Variants in DPYD observed in about 807,000 individuals in gnomAD.
DPYD encodes the protein dihydropyrimidine dehydrogenase [NADP(+)].
A neutral mutation model predicts 116.2 loss-of-function variants in DPYD; 109 were observed. That is an observed-to-expected ratio of 0.94 (90% CI 0.80 to 1.10). The LOEUF is 1.10. Among genes scored for constraint, DPYD ranks in the 50% least tolerant of loss-of-function variants. DPYD has a pLI of 0.00. For missense variants in DPYD, 1,302 were observed against 1,254.5 expected (o/e 1.04, Z -0.57); for synonymous variants, 440 against 432.0 (o/e 1.02, Z -0.23).
At chr1:97,353,785 T>G (rs1670273162) in intron 16 of DPYD, among the ~76,000 whole-genome samples, 1 of 152,316 alleles carries the variant, frequency 6.6e-6, no homozygotes, top group African/African-American at 2.4e-5. Flanking sequence ...ATAGAGGAAC[T>G]TTCATAACTT....
intron 20 of DPYD, among the ~76,000 whole-genome samples, chr1:97,179,309 C>G (rs1383453917): frequency 6.6e-6 from 1 of 152,022 alleles, no homozygotes; most frequent in Non-Finnish European, 1.5e-5. Context: ...CACTTGGGAC[C>G]TACATTAAGT....
intron 3 of DPYD, among the ~76,000 whole-genome samples, chr1:97,816,652 T>C (rs1668624644): frequency 6.6e-6 from 1 of 152,192 alleles, no homozygotes; most frequent in Non-Finnish European, 1.5e-5. Flanking sequence ...TTGGTGGTTA[T>C]TCCACATTTT....
intron 18 of DPYD, among the ~76,000 whole-genome samples, chr1:97,301,657 C>T (rs1290794001): frequency 6.6e-6 from 1 of 151,938 alleles, no homozygotes; most frequent in Non-Finnish European, 1.5e-5. Flanking sequence ...TTGAAAAATG[C>T]TTGAATACTG....
intron 16 of DPYD, among the ~76,000 whole-genome samples, chr1:97,354,389 C>A (rs920455847): frequency 6.6e-6 from 1 of 152,098 alleles, no homozygotes; most frequent in South Asian, 2.1e-4. Flanking sequence ...CCTCCAAACT[C>A]CTATAGTAAA....
At position 97,269,370 on chromosome 1, in the gene DPYD, G is replaced by A. The variant is rs935085013; in HGVS notation, c.2300-34376C>T. On this transcript the variant is annotated intron_variant, in intron 18 of 22. Transcript: ENST00000370192. ...AATTGTCCTGAAAGCTCTATTCATG[G>A]AAACCTAGGCTTTTTCTAGCCTTCT... 2.5e-4 allele frequency among the ~76,000 whole-genome samples: 38 copies of A among 152,044 alleles called. 1 individual carries two copies. Among genetic ancestry groups the A allele is most frequent in the African/African-American group, 8.7e-4 (36 of 41,406 alleles).
At chr1:97,678,679 T>C (rs867999951) in intron 8 of DPYD, among the ~76,000 whole-genome samples, 95 of 152,140 alleles carry the variant, frequency 6.2e-4, no homozygotes, top group African/African-American at 1.8e-3. Flanking sequence ...AAGAAAAGTC[T>C]TTAGAAAATT....
rs568357593 is a variant in DPYD at position 97,347,086 on chromosome 1, AT to A, written c.2058+26474del. Reference sequence around the variant, plus strand: ...CATTTTTCCCAATCCTGATATTTTCATTTTTTATCTCTTTATTTTAAATTCA... The same window carrying A: ...CATTTTTCCCAATCCTGATATTTTCATTTTTATCTCTTTATTTTAAATTCA... On this transcript the variant is annotated intron_variant, in intron 16 of 22. Coordinates refer to ENST00000370192, the MANE Select transcript of DPYD (RefSeq NM_000110.4). Among the ~76,000 whole-genome samples the A allele has an allele frequency of 9.9e-5, 15 of 151,704 alleles. No homozygotes were observed. The East Asian group carries it at 2.5e-3, about 25-fold the overall frequency.
chr1:97,609,072 T>A (rs187712815), intron 8 of DPYD, among the ~76,000 whole-genome samples: 37 of 152,144 alleles, frequency 2.4e-4, no homozygotes, highest in African/African-American at 8.9e-4. Flanking sequence ...ACATTCCAAA[T>A]GCCTTTGGTT....
At chr1:97,273,409 T>G (rs1195142218) in intron 18 of DPYD, among the ~76,000 whole-genome samples, 1 of 152,134 alleles carries the variant, frequency 6.6e-6, no homozygotes, top group Non-Finnish European at 1.5e-5. Flanking sequence ...TCATCTATAC[T>G]CCAACTAAAC....
chr1:97,489,789 CTT>C (rs1054010846), intron 13 of DPYD, among the ~76,000 whole-genome samples: 10 of 152,072 alleles, frequency 6.6e-5, no homozygotes, highest in Admixed American at 6.5e-5. Context: ...AGAAAACAAA[CTT>C]AGCATTTTAA....
intron 14 of DPYD, among the ~76,000 whole-genome samples, chr1:97,404,603 C>A (rs762800584): frequency 3.9e-5 from 6 of 152,000 alleles, no homozygotes; most frequent in Non-Finnish European, 5.9e-5. Context: ...ATTAATATGG[C>A]TACTCCTGCT....
intron 3 of DPYD, among the ~76,000 whole-genome samples, chr1:97,814,481 A>T (rs1384167249): frequency 6.6e-6 from 1 of 152,178 alleles, no homozygotes; most frequent in Non-Finnish European, 1.5e-5. Context: ...GGAGGGTAGC[A>T]GGGGAGAAAC....
intron 5 of DPYD, among the ~76,000 whole-genome samples, chr1:97,704,220 C>T (rs541982656): frequency 6.6e-6 from 1 of 151,814 alleles, no homozygotes; most frequent in East Asian, 1.9e-4. Flanking sequence ...AAAATGAGGG[C>T]AAATGGATAA....
Position 97,137,683 on chromosome 1 carries a change from A to G in DPYD, c.2623-39051T>C, listed in dbSNP as rs566874807. ...CTGTCTTTTTTATCCTTGTCACTAAATGTGATATTTTGAGCACTCAAGATG... is the reference window on the plus strand; with the variant it reads ...CTGTCTTTTTTATCCTTGTCACTAAGTGTGATATTTTGAGCACTCAAGATG... On this transcript the variant is annotated intron_variant, in intron 20 of 22. Coordinates refer to ENST00000370192, the MANE Select transcript of DPYD (RefSeq NM_000110.4). Among the ~76,000 whole-genome samples the G allele has an allele frequency of 1.9e-3, 287 of 152,252 alleles. 3 individuals are homozygous for G. Among genetic ancestry groups the G allele is most frequent in the African/African-American group, 6.7e-3 (277 of 41,528 alleles).
At chr1:97,421,923 A>G (rs891168288) in intron 14 of DPYD, among the ~76,000 whole-genome samples, 5 of 152,182 alleles carry the variant, frequency 3.3e-5, no homozygotes, top group African/African-American at 9.6e-5. Flanking sequence ...AGTCAGGCAT[A>G]TAAAGCGCTA....
chr1:97,470,172 C>CAGT (rs906025731), intron 13 of DPYD, among the ~76,000 whole-genome samples: 3 of 151,958 alleles, frequency 2.0e-5, no homozygotes, highest in African/African-American at 7.3e-5. Context: ...TATGATGGGG[C>CAGT]AGTATGGTGT....
intron 18 of DPYD, among the ~76,000 whole-genome samples, chr1:97,294,589 G>C (rs74104340): frequency 1.3e-5 from 2 of 152,140 alleles, no homozygotes; most frequent in Non-Finnish European, 2.9e-5. Flanking sequence ...CAGGAACACA[G>C]GTATTTGTAA....
intron 3 of DPYD, among the ~76,000 whole-genome samples, chr1:97,771,581 T>G (rs1167554613): frequency 6.6e-6 from 1 of 152,216 alleles, no homozygotes; most frequent in Admixed American, 6.5e-5. Flanking sequence ...TAAATCATGG[T>G]ATGATTCTGA....
chr1:97,619,469 T>C (rs1431114175), intron 8 of DPYD, among the ~76,000 whole-genome samples: 2 of 152,164 alleles, frequency 1.3e-5, no homozygotes, highest in Non-Finnish European at 2.9e-5. Context: ...CATACGTTTG[T>C]ACTTAATTGT....
Sources: gnomAD v4.1 joint callset for allele counts (sites outside exome capture counted in the v4.1 genomes callset) on GRCh38, gnomAD v4.1.1 for gene constraint, MANE v1.5 for transcripts, NCBI Gene and HGNC (gene_info 2026-07-23, HGNC 2026-07-21) for gene names.